Variants in WARS2 observed in about 807,000 individuals in gnomAD.
The protein encoded by WARS2 is tryptophanyl tRNA synthetase 2, mitochondrial, also known as tryptophan--tRNA ligase, mitochondrial.
In WARS2, 28 loss-of-function variants were observed where a neutral mutation model predicts 36.5. The ratio of observed to expected loss-of-function variants is 0.77; its 90% CI spans 0.57 to 1.05. The LOEUF (loss-of-function observed/expected upper bound fraction) is 1.05, where lower values mean the gene tolerates loss of function less well. WARS2 is among the 50% of genes least tolerant of loss of function. WARS2 has a pLI of 0.00. For synonymous variants in WARS2, 174 were observed against 178.4 expected (o/e 0.98, Z 0.20); for missense variants, 435 against 456.8 (o/e 0.95, Z 0.44).
At chr1:119,135,791 T>C (rs1343620116) in intron 1 of WARS2, among the ~76,000 whole-genome samples, 3 of 151,674 alleles carry the variant, frequency 2.0e-5, no homozygotes, top group Non-Finnish European at 1.5e-5. Flanking sequence ...TTTTGGGGTT[T>C]TTTTGTTTGT....
At chr1:119,078,137 A>G (rs1420376852) in intron 1 of WARS2, among the ~76,000 whole-genome samples, 1 of 152,200 alleles carries the variant, frequency 6.6e-6, no homozygotes, top group Non-Finnish European at 1.5e-5. Context: ...GTTTCAGGCC[A>G]GATATCACTG....
intron 1 of WARS2, among the ~76,000 whole-genome samples, chr1:119,110,482 G>C (rs1484698535): frequency 2.6e-5 from 4 of 151,988 alleles, no homozygotes; most frequent in African/African-American, 9.7e-5. Flanking sequence ...GGATTCTGAA[G>C]AGAAGTCAAT....
At chr1:119,077,092 T>G (rs587612337) in intron 1 of WARS2, among the ~76,000 whole-genome samples, 2 of 132,132 alleles carry the variant, frequency 1.5e-5, no homozygotes, top group Non-Finnish European at 3.1e-5. Flanking sequence ...GAGCCAAGAT[T>G]GCACCACTGC....
chr1:119,107,874 G>C (rs1205722681), intron 1 of WARS2, among the ~76,000 whole-genome samples: 5 of 152,006 alleles, frequency 3.3e-5, no homozygotes, highest in Non-Finnish European at 7.4e-5. Context: ...TTTACTGAGA[G>C]TTTTTATCAT....
chr1:119,085,963 G>A (rs1652627666), intron 1 of WARS2: 1 of 1,609,506 alleles, frequency 6.2e-7, no homozygotes, highest in Non-Finnish European at 8.5e-7. Flanking sequence ...ATCTCCACGG[G>A]CCCAAACTCA....
At chr1:119,129,601 G>A (rs1048287707) in intron 1 of WARS2, among the ~76,000 whole-genome samples, 16 of 151,984 alleles carry the variant, frequency 1.1e-4, no homozygotes, top group African/African-American at 3.9e-4. Flanking sequence ...CCCCAGCTAC[G>A]CAGGAAGCTG....
chr1:119,128,214 A>T (rs770724827), intron 1 of WARS2, among the ~76,000 whole-genome samples: 2 of 152,090 alleles, frequency 1.3e-5, no homozygotes, highest in Non-Finnish European at 2.9e-5. Flanking sequence ...AGCTGGGATT[A>T]TAGGCCCCCA....
At chr1:119,096,209 C>A (rs1020070721) in intron 1 of WARS2, among the ~76,000 whole-genome samples, 1 of 152,104 alleles carries the variant, frequency 6.6e-6, no homozygotes, top group Non-Finnish European at 1.5e-5. Flanking sequence ...TTGTTTAATA[C>A]ACTGAGGAAA....
In WARS2 at chr1:119,108,620, T is replaced by G. The variant is rs971881775; in HGVS notation, c.90+31935A>C. The stretch of plus-strand genomic sequence containing the variant: ...GTTAGTGATTTTATTACTATTTTTT[T>G]GGGAGGCATGTTATTGATTTTATTG... On this transcript the variant is annotated intron_variant, in intron 1 of 5. Coordinates refer to ENST00000235521, the MANE Select transcript of WARS2 (RefSeq NM_015836.4). Among the ~76,000 whole-genome samples the G allele has an allele frequency of 7.2e-5, 11 of 152,052 alleles. No individual in the cohort carries two copies. In the East Asian group the frequency reaches 1.7e-3, roughly 24 times the overall value.
intron 2 of WARS2, among the ~76,000 whole-genome samples, chr1:119,054,617 A>T (rs867324125): frequency 2.0e-5 from 3 of 152,228 alleles, no homozygotes; most frequent in African/African-American, 4.8e-5. Context: ...CCAAAACAGC[A>T]TCATTCACAA....
chr1:119,102,817 C>A (rs1653968323), intron 1 of WARS2, among the ~76,000 whole-genome samples: 1 of 152,110 alleles, frequency 6.6e-6, no homozygotes, highest in South Asian at 2.1e-4. Context: ...TCCTTTAATC[C>A]AATAGGCTGT....
intron 2 of WARS2, among the ~76,000 whole-genome samples, chr1:119,072,060 T>C (rs587693689): frequency 6.6e-6 from 1 of 152,336 alleles, no homozygotes; most frequent in African/African-American, 2.4e-5. Flanking sequence ...ACTAGAACTC[T>C]GTATATAATG....
rs61318006 is a variant in WARS2 at position 119,123,603 on chromosome 1, A to AACACAC, written c.90+16946_90+16951dup. ...AAGAGCATGCACTTGTGTGCATGCA[A>AACACAC]ACACACACACACACACACACGTTAA... is the stretch of plus-strand genomic sequence containing the variant. On this transcript the variant is annotated intron_variant, in intron 1 of 5. Transcript: ENST00000235521. 7.0e-4 allele frequency among the ~76,000 whole-genome samples: 106 copies of AACACAC among 151,174 alleles called. 1 individual carries two copies. Among genetic ancestry groups the AACACAC allele is most frequent in the African/African-American group, 2.2e-3 (89 of 41,248 alleles).
intron 2 of WARS2, among the ~76,000 whole-genome samples, chr1:119,048,462 T>C (rs1037286028): frequency 6.6e-6 from 1 of 152,220 alleles, no homozygotes; most frequent in Non-Finnish European, 1.5e-5. Context: ...TTTAAGATAA[T>C]TGTACATTCA....
rs1185095081 is a variant in WARS2 at position 119,076,683 on chromosome 1, A to G, written c.91-76T>C. The G allele has an allele frequency of 2.9e-5, 46 of 1,567,240 alleles. No homozygotes were observed. The South Asian group carries it at 5.4e-4, about 19-fold the overall frequency. On this transcript the variant is annotated intron_variant, in intron 1 of 5. Coordinates refer to ENST00000235521, the MANE Select transcript of WARS2 (RefSeq NM_015836.4). ...ATCCTATGCCCATGTTATCATAGCT[A>G]TGGGAGCTAGTTATATTTTTGTAAA...
intron 2 of WARS2, among the ~76,000 whole-genome samples, chr1:119,054,450 G>C (rs1649611307): frequency 6.6e-6 from 1 of 152,118 alleles, no homozygotes; most frequent in Admixed American, 6.6e-5. Context: ...GTATACTGTT[G>C]ATAGGAATGT....
intron 1 of WARS2, among the ~76,000 whole-genome samples, chr1:119,095,011 T>C (rs1006521549): frequency 2.6e-5 from 4 of 152,196 alleles, no homozygotes; most frequent in East Asian, 1.9e-4. Context: ...GCCTATAAGG[T>C]TGGGGAACAA....
At chr1:119,137,619 G>A (rs1656603799) in intron 1 of WARS2, among the ~76,000 whole-genome samples, 1 of 152,142 alleles carries the variant, frequency 6.6e-6, no homozygotes, top group African/African-American at 2.4e-5. Context: ...AATGATGACA[G>A]GCTTAAATTT....
intron 2 of WARS2, among the ~76,000 whole-genome samples, chr1:119,069,503 T>A (rs1315233189): frequency 6.6e-6 from 1 of 152,252 alleles, no homozygotes; most frequent in East Asian, 1.9e-4. Flanking sequence ...AGTTAAGGAC[T>A]GATTTATCAA....
Sources: gnomAD v4.1 joint callset for allele counts (sites outside exome capture counted in the v4.1 genomes callset) on GRCh38, gnomAD v4.1.1 for gene constraint, MANE v1.5 for transcripts, NCBI Gene and HGNC (gene_info 2026-07-23, HGNC 2026-07-21) for gene names.